ADGRL3: variants seen among roughly 807,000 people sequenced by gnomAD.
ADGRL3 encodes adhesion G protein-coupled receptor L3.
ADGRL3 carries 62 observed loss-of-function variants against 153.5 expected under a neutral mutation model. That is an observed-to-expected ratio of 0.40 (90% CI 0.33 to 0.50). The LOEUF (loss-of-function observed/expected upper bound fraction) is 0.50. Ranked by LOEUF, ADGRL3 falls within the 20% of genes least tolerant of loss-of-function variation. The pLI is 0.47. For missense variants in ADGRL3, 1,641 were observed against 1,859.4 expected (o/e 0.88, Z 2.16); for synonymous variants, 710 against 672.5 (o/e 1.06, Z -0.86).
chr4:61,504,346 T>C (rs2098413035), intron 3 of ADGRL3, among the ~76,000 whole-genome samples: 1 of 151,920 alleles, frequency 6.6e-6, no homozygotes, highest in African/African-American at 2.4e-5. Context: ...ATTCAGAATT[T>C]TTTTAAAAAA....
intron 2 of ADGRL3, among the ~76,000 whole-genome samples, chr4:61,457,138 C>T (rs1296268749): frequency 6.6e-6 from 1 of 151,732 alleles, no homozygotes; most frequent in East Asian, 1.9e-4. Flanking sequence ...TTTAAAAAAT[C>T]AATCTCCGTT....
At chr4:61,331,577 T>C (rs75085994) in intron 1 of ADGRL3, among the ~76,000 whole-genome samples, 1,966 of 152,282 alleles carry the variant, frequency 0.013, 102 homozygotes, top group East Asian at 0.1. Flanking sequence ...ATTGATACTT[T>C]GTCTGTCATT....
chr4:61,985,779 G>T (rs1295884759), intron 19 of ADGRL3, among the ~76,000 whole-genome samples: 2 of 151,936 alleles, frequency 1.3e-5, no homozygotes, highest in African/African-American at 4.8e-5. Flanking sequence ...ATAGTGACAG[G>T]CTATATAAAA....
At chr4:61,449,294 G>A (rs1179931015) in intron 2 of ADGRL3, among the ~76,000 whole-genome samples, 9 of 151,744 alleles carry the variant, frequency 5.9e-5, no homozygotes, top group South Asian at 2.1e-4. Flanking sequence ...GCGCCACCAC[G>A]CCCAGCTAAT....
At chr4:61,291,565 TAC>T (rs1390473065) in intron 1 of ADGRL3, among the ~76,000 whole-genome samples, 27 of 41,192 alleles carry the variant, frequency 6.6e-4, no homozygotes, top group African/African-American at 1.7e-3. Flanking sequence ...ACTATATATA[TAC>T]ATATATATAT....
chr4:61,589,694 T>C (rs1194643825), intron 5 of ADGRL3, among the ~76,000 whole-genome samples: 4 of 152,082 alleles, frequency 2.6e-5, no homozygotes, highest in Non-Finnish European at 5.9e-5. Flanking sequence ...TTGTATAACC[T>C]TGTTTAAAAA....
At chr4:62,045,365 A>G (rs1730565035) in intron 25 of ADGRL3, among the ~76,000 whole-genome samples, 1 of 152,068 alleles carries the variant, frequency 6.6e-6, no homozygotes, top group Non-Finnish European at 1.5e-5. Context: ...CAGCAATGGG[A>G]AATATTTAGA....
rs1283868981 is a variant in ADGRL3, at chr4:61,412,117, ACT to A, written c.-174+28931_-174+28932del. Among the ~76,000 whole-genome samples the A allele has an allele frequency of 3.5e-5, 5 of 144,366 alleles. 1 individual carries two copies. The highest frequency in any genetic ancestry group is 1.3e-4 in the African/African-American group (5 of 39,490). The allele number at this position is 144,366 out of a possible 152,430, so 94.7% of individuals were successfully genotyped here. The stretch of plus-strand genomic sequence containing the variant: ...CTTTTTGTTTGTTTGTTTTTTGGAG[ACT>A]CTGTTGTCCAGGTGGCATGTAGTGG... On this transcript the variant is annotated intron_variant, in intron 2 of 26. Transcript: ENST00000683033.
intron 1 of ADGRL3, among the ~76,000 whole-genome samples, chr4:61,328,643 C>G (rs1049227492): frequency 2.0e-5 from 3 of 152,064 alleles, no homozygotes; most frequent in African/African-American, 4.8e-5. Flanking sequence ...TTAATTTGAG[C>G]TATGTCAAAT....
intron 5 of ADGRL3, among the ~76,000 whole-genome samples, chr4:61,638,098 T>C (rs1587294): frequency 0.57 from 86,329 of 152,008 alleles, 26,905 homozygotes; most frequent in Non-Finnish European, 0.73. Flanking sequence ...AGAATATTCA[T>C]AGTAGCTTTG....
intron 2 of ADGRL3, among the ~76,000 whole-genome samples, chr4:61,416,987 A>G (rs1346372692): frequency 2.6e-5 from 4 of 152,154 alleles, no homozygotes; most frequent in Non-Finnish European, 5.9e-5. Flanking sequence ...TTAGATTCTC[A>G]TAAGAAACAG....
intron 9 of ADGRL3, among the ~76,000 whole-genome samples, chr4:61,886,728 A>G (rs1333437384): frequency 6.6e-6 from 1 of 151,326 alleles, no homozygotes; most frequent in African/African-American, 2.4e-5. Flanking sequence ...TTCAACCTCT[A>G]CCTCCTGGGT....
At chr4:61,368,137 C>A (rs34497473) in intron 1 of ADGRL3, among the ~76,000 whole-genome samples, 1 of 151,258 alleles carries the variant, frequency 6.6e-6, no homozygotes, top group Non-Finnish European at 1.5e-5. Flanking sequence ...CTGGATATTA[C>A]CCCTTTGTCA....
intron 3 of ADGRL3, among the ~76,000 whole-genome samples, chr4:61,508,499 C>A (rs1579247165): frequency 6.6e-6 from 1 of 152,130 alleles, no homozygotes; most frequent in East Asian, 1.9e-4. Flanking sequence ...TTTATAAATA[C>A]AGAGGTTTTT....
At chr4:62,050,198 A>C (rs374200999) in intron 25 of ADGRL3, among the ~76,000 whole-genome samples, 1 of 152,136 alleles carries the variant, frequency 6.6e-6, no homozygotes, top group East Asian at 1.9e-4. Context: ...GTCACTTCTA[A>C]ATTAGAAATT....
chr4:61,529,265 G>A (rs1020002177), intron 4 of ADGRL3, among the ~76,000 whole-genome samples: 8 of 152,062 alleles, frequency 5.3e-5, no homozygotes, highest in African/African-American at 1.7e-4. Flanking sequence ...CAAGCTACTT[G>A]TCTATCCAGT....
chr4:61,378,687 A>G (rs1207204683), intron 1 of ADGRL3, among the ~76,000 whole-genome samples: 1 of 152,040 alleles, frequency 6.6e-6, no homozygotes, highest in Non-Finnish European at 1.5e-5. Flanking sequence ...TGTTTGTAAT[A>G]CAAAAATTGT....
intron 9 of ADGRL3, among the ~76,000 whole-genome samples, chr4:61,821,011 T>C (rs572691675): frequency 1.5e-4 from 23 of 152,310 alleles, no homozygotes; most frequent in African/African-American, 4.8e-4. Flanking sequence ...GAGGTTTACA[T>C]ATACCAGTTG....
At chr4:61,686,085 G>A (rs1011028457) in intron 6 of ADGRL3, among the ~76,000 whole-genome samples, 6 of 151,974 alleles carry the variant, frequency 3.9e-5, no homozygotes, top group African/African-American at 1.4e-4. Flanking sequence ...AAGATTGAAG[G>A]GGTTAGCTCA....
Sources: allele counts gnomAD v4.1 joint callset (sites outside exome capture counted in the v4.1 genomes callset), GRCh38; gene constraint gnomAD v4.1.1; transcripts MANE v1.5; gene names NCBI Gene and HGNC (gene_info 2026-07-23, HGNC 2026-07-21).